Variants in SLC12A7 observed in about 807,000 individuals in gnomAD.
SLC12A7 encodes the protein K-Cl cotransporter 4.
SLC12A7 carries 100 observed loss-of-function variants against 120.6 expected under a neutral mutation model. The ratio of observed to expected loss-of-function variants is 0.83; its 90% confidence interval spans 0.71 to 0.98. The LOEUF is 0.98. SLC12A7 is among the 50% of genes least tolerant of loss of function. SLC12A7 has a pLI of 0.00. For missense variants in SLC12A7, 1,373 were observed against 1,548.1 expected (o/e 0.89, Z 1.90); for synonymous variants, 760 against 678.0 (o/e 1.12, Z -1.88).
intron 9 of SLC12A7, 45 bp from the exon 10 acceptor site, chr5:1,079,541 T>C (rs1738768835): frequency 6.8e-7 from 1 of 1,475,886 alleles, no homozygotes; most frequent in East Asian, 2.3e-5. Context: ...GAGGAGTCAG[T>C]GCCATGTGAT....
the SLC12A7 span, among the ~76,000 whole-genome samples, chr5:1,150,721 A>G: frequency 6.6e-6 from 1 of 152,270 alleles, no homozygotes; most frequent in Admixed American, 6.5e-5. Context: ...CCTGCTCCAC[A>G]GATAACTAGA....
At chr5:1,140,320 C>T in the SLC12A7 span, among the ~76,000 whole-genome samples, 1 of 152,224 alleles carries the variant, frequency 6.6e-6, no homozygotes, top group Non-Finnish European at 1.5e-5. Flanking sequence ...CCCCATGGCC[C>T]CTCGGGTGAA....
intron 1 of SLC12A7, among the ~76,000 whole-genome samples, chr5:1,104,214 C>T (rs1366509272): frequency 6.6e-6 from 1 of 152,200 alleles, no homozygotes; most frequent in Non-Finnish European, 1.5e-5. Flanking sequence ...GACCCGCTGG[C>T]GCCAGAGGTC....
intron 7 of SLC12A7, among the ~76,000 whole-genome samples, chr5:1,084,424 G>A (rs541558173): frequency 2.0e-5 from 3 of 152,324 alleles, no homozygotes; most frequent in South Asian, 2.1e-4. Context: ...CGTCCTGGCC[G>A]GGTCAGCTGT....
At chr5:1,142,343 C>T in the SLC12A7 span, among the ~76,000 whole-genome samples, 21,757 of 84,364 alleles carry the variant, frequency 0.26, 2,894 homozygotes, top group Non-Finnish European at 0.29. Context: ...CTCCCCTCTC[C>T]CCTCTTCCCT....
chr5:1,147,774 C>T, the SLC12A7 span, among the ~76,000 whole-genome samples: 5 of 152,126 alleles, frequency 3.3e-5, no homozygotes, highest in Non-Finnish European at 7.4e-5. Context: ...GACAGGGTCT[C>T]ACTCTGTCAC....
Position 1,057,463 on chromosome 5 carries a change from A to G in SLC12A7, c.3026+8T>C. 1 of 1,606,300 alleles carries G rather than the reference A, an allele frequency of 6.2e-7. No individual in the cohort carries two copies. The highest frequency in any genetic ancestry group is 8.5e-7 in the Non-Finnish European group (1 of 1,177,622). ...TGTTCCCCCCAGGCCACACGCACGG[A>G]CACTCACGGCTTCATGCTGAAGAGG... On this transcript the variant is annotated splice_region_variant and intron_variant, in intron 22 of 23. Transcript: ENST00000264930.
chr5:1,070,126 ATGCAGCCCCCAGTGAGCCCCCAGC>A (rs1737548539), intron 17 of SLC12A7, among the ~76,000 whole-genome samples: 2 of 28,032 alleles, frequency 7.1e-5, no homozygotes, highest in Admixed American at 3.4e-4. Flanking sequence ...CATCACACTT[ATGCAGCCCCCAGTGAGCCCCCAGC>A]ACACGGGCAT....
At chr5:1,102,917 G>A (rs567447400) in intron 1 of SLC12A7, among the ~76,000 whole-genome samples, 1 of 152,228 alleles carries the variant, frequency 6.6e-6, no homozygotes, top group Non-Finnish European at 1.5e-5. Context: ...TCCCTGTGAA[G>A]GCGCGAGGAC....
chr5:1,129,302 G>A, the SLC12A7 span, among the ~76,000 whole-genome samples: 1 of 152,152 alleles, frequency 6.6e-6, no homozygotes, highest in African/African-American at 2.4e-5. Context: ...AAAGTCGGAG[G>A]TGGGCAGGAC....
chr5:1,084,739 G>A (rs917373591), intron 7 of SLC12A7, among the ~76,000 whole-genome samples: 1 of 152,134 alleles, frequency 6.6e-6, no homozygotes, highest in Admixed American at 6.5e-5. Context: ...GAGCCTCAAG[G>A]GGCTTGGCTG....
chr5:1,120,388 CAA>C, the SLC12A7 span, among the ~76,000 whole-genome samples: 1 of 152,224 alleles, frequency 6.6e-6, no homozygotes, highest in East Asian at 1.9e-4. Flanking sequence ...GACAAGAGGG[CAA>C]AGACTTGAAC....
the SLC12A7 span, among the ~76,000 whole-genome samples, chr5:1,133,958 G>A: frequency 2.2e-4 from 34 of 152,230 alleles, no homozygotes; most frequent in Admixed American, 5.2e-4. Flanking sequence ...TTTCCAGCAC[G>A]TACACCATGG....
the SLC12A7 span, among the ~76,000 whole-genome samples, chr5:1,155,260 C>A: frequency 6.6e-6 from 1 of 152,164 alleles, no homozygotes; most frequent in East Asian, 1.9e-4. Flanking sequence ...CAGATCACAG[C>A]CCCGCCCAAG....
chr5:1,058,245 C>T (rs1457722193), intron 21 of SLC12A7, among the ~76,000 whole-genome samples: 7 of 152,256 alleles, frequency 4.6e-5, no homozygotes, highest in East Asian at 3.9e-4. Flanking sequence ...TAGCTGTAGG[C>T]GCCGAAGGGG....
intron 1 of SLC12A7, among the ~76,000 whole-genome samples, chr5:1,105,628 G>C (rs149457452): frequency 0.013 from 1,982 of 152,368 alleles, 32 homozygotes; most frequent in Admixed American, 0.031. Context: ...AGGTTTATCT[G>C]CACAGAACAG....
chr5:1,129,671 C>T, the SLC12A7 span, among the ~76,000 whole-genome samples: 3,182 of 151,890 alleles, frequency 0.021, 110 homozygotes, highest in African/African-American at 0.073. Flanking sequence ...CGGATGAACA[C>T]GGGAACACCT....
the SLC12A7 span, among the ~76,000 whole-genome samples, chr5:1,137,242 C>T: frequency 6.6e-6 from 1 of 152,176 alleles, no homozygotes; most frequent in Non-Finnish European, 1.5e-5. Context: ...CTTCCCAGAG[C>T]ACTCGAGGCC....
chr5:1,133,559 G>T, the SLC12A7 span, among the ~76,000 whole-genome samples: 8,909 of 152,242 alleles, frequency 0.059, 573 homozygotes, highest in African/African-American at 0.15. Context: ...GGTTGACTGT[G>T]GGTGGAGAGA....
Sources: gnomAD v4.1 joint callset for allele counts (sites outside exome capture counted in the v4.1 genomes callset) on GRCh38, gnomAD v4.1.1 for gene constraint, MANE v1.5 for transcripts, NCBI Gene and HGNC (gene_info 2026-07-23, HGNC 2026-07-21) for gene names.